The following SLC24A2 variants were observed in gnomAD, a reference collection of about 807,000 sequenced individuals.
The protein encoded by SLC24A2 is sodium/potassium/calcium exchanger 2.
Under a neutral mutation model 62.0 loss-of-function variants are expected in SLC24A2, and 36 were observed. The ratio of observed to expected loss-of-function variants is 0.58; its 90% CI spans 0.44 to 0.77. The LOEUF (loss-of-function observed/expected upper bound fraction) is 0.77, where lower values mean the gene tolerates loss of function less well. Ranked by LOEUF, SLC24A2 falls within the 30% of genes least tolerant of loss-of-function variation. SLC24A2 has a pLI of 0.00. For synonymous variants in SLC24A2, 358 were observed against 294.0 expected (o/e 1.22, Z -2.23); for missense variants, 846 against 817.9 (o/e 1.03, Z -0.42).
At chr9:19,524,390 C>T (rs1255050713) in intron 9 of SLC24A2, among the ~76,000 whole-genome samples, 1 of 55,064 alleles carries the variant, frequency 1.8e-5, no homozygotes, top group South Asian at 5.9e-4. Flanking sequence ...CAATAAGAAA[C>T]AAGAACAACA....
the SLC24A2 span, among the ~76,000 whole-genome samples, chr9:20,143,549 G>A: frequency 6.6e-6 from 1 of 152,122 alleles, no homozygotes; most frequent in Non-Finnish European, 1.5e-5. Flanking sequence ...TTCCATTGGA[G>A]CCACAGACTG....
the SLC24A2 span, among the ~76,000 whole-genome samples, chr9:19,932,698 G>A: frequency 2.0e-5 from 3 of 152,182 alleles, no homozygotes; most frequent in Non-Finnish European, 1.5e-5. Flanking sequence ...TTGCCACTGT[G>A]TTTCAGACTT....
the SLC24A2 span, among the ~76,000 whole-genome samples, chr9:20,165,034 A>G: frequency 2.3e-4 from 34 of 150,246 alleles, no homozygotes; most frequent in African/African-American, 7.8e-4. Context: ...ACCTAATGCT[A>G]AATGACGAGT....
chr9:19,901,398 A>G, the SLC24A2 span, among the ~76,000 whole-genome samples: 1 of 152,160 alleles, frequency 6.6e-6, no homozygotes, highest in African/African-American at 2.4e-5. Context: ...ATTTCTTATA[A>G]GGGTTACAGC....
chr9:20,243,170 G>A, the SLC24A2 span, among the ~76,000 whole-genome samples: 6 of 152,004 alleles, frequency 3.9e-5, no homozygotes, highest in African/African-American at 7.3e-5. Context: ...TGCTAAGCTC[G>A]CACTTATATT....
chr9:20,098,163 TAATC>T, the SLC24A2 span, among the ~76,000 whole-genome samples: 2 of 152,142 alleles, frequency 1.3e-5, no homozygotes, highest in African/African-American at 4.8e-5. Context: ...GTTCTGAAAA[TAATC>T]AAAGGAACAG....
the SLC24A2 span, among the ~76,000 whole-genome samples, chr9:20,164,105 T>G: frequency 6.6e-6 from 1 of 152,096 alleles, no homozygotes; most frequent in African/African-American, 2.4e-5. Flanking sequence ...CCAAAAGCAA[T>G]GGCAACAAAA....
chr9:20,245,318 G>A, the SLC24A2 span, among the ~76,000 whole-genome samples: 4 of 152,204 alleles, frequency 2.6e-5, no homozygotes, highest in African/African-American at 4.8e-5. Flanking sequence ...CCACAGAACT[G>A]TGACTGTATC....
chr9:19,569,290 G>GACCA (rs1383964997), intron 7 of SLC24A2, among the ~76,000 whole-genome samples: 2 of 152,204 alleles, frequency 1.3e-5, no homozygotes, highest in Non-Finnish European at 2.9e-5. Flanking sequence ...TTGGCCTGTG[G>GACCA]ACCACAGTGT....
At chr9:20,038,427 TTA>T in the SLC24A2 span, among the ~76,000 whole-genome samples, 1 of 152,176 alleles carries the variant, frequency 6.6e-6, no homozygotes, top group Non-Finnish European at 1.5e-5. Context: ...TAGGCTGGAA[TTA>T]TATATCCAGT....
the SLC24A2 span, among the ~76,000 whole-genome samples, chr9:19,948,487 G>C: frequency 2.0e-5 from 3 of 152,318 alleles, no homozygotes; most frequent in East Asian, 5.8e-4. Flanking sequence ...AAATATATGT[G>C]AGAACAGTAT....
the SLC24A2 span, among the ~76,000 whole-genome samples, chr9:20,241,289 G>A: frequency 6.6e-6 from 1 of 152,140 alleles, no homozygotes; most frequent in Non-Finnish European, 1.5e-5. Context: ...AAATAATTAA[G>A]CACCTACTGT....
At chr9:19,835,939 A>G in the SLC24A2 span, among the ~76,000 whole-genome samples, 1 of 152,228 alleles carries the variant, frequency 6.6e-6, no homozygotes, top group Non-Finnish European at 1.5e-5. Flanking sequence ...AAAACACTCA[A>G]CTACATGGAA....
At chr9:19,969,482 A>G in the SLC24A2 span, among the ~76,000 whole-genome samples, 7 of 152,148 alleles carry the variant, frequency 4.6e-5, no homozygotes, top group Non-Finnish European at 1.0e-4. Flanking sequence ...ATGAAAGTCC[A>G]TGCTCCCTCT....
chr9:19,553,321 T>G (rs141269895), intron 7 of SLC24A2, among the ~76,000 whole-genome samples: 30 of 152,296 alleles, frequency 2.0e-4, no homozygotes, highest in Admixed American at 9.8e-4. Flanking sequence ...CCTAGAGTTG[T>G]GGTATGCTGG....
chr9:19,739,935 G>C (rs1439706338), intron 2 of SLC24A2, among the ~76,000 whole-genome samples: 1 of 152,100 alleles, frequency 6.6e-6, no homozygotes, highest in Admixed American at 6.6e-5. Flanking sequence ...TCTATATCCA[G>C]AATATATAAA....
chr9:19,813,530 G>C, the SLC24A2 span, among the ~76,000 whole-genome samples: 3 of 151,766 alleles, frequency 2.0e-5, no homozygotes, highest in Admixed American at 1.3e-4. Context: ...TGTTGGCCAG[G>C]CTGGTCTCAA....
At chr9:19,876,462 T>C in the SLC24A2 span, among the ~76,000 whole-genome samples, 2 of 151,994 alleles carry the variant, frequency 1.3e-5, no homozygotes, top group Admixed American at 6.6e-5. Flanking sequence ...TAAGGGGCTA[T>C]GTGAAGACCC....
chr9:20,129,762 C>A, the SLC24A2 span, among the ~76,000 whole-genome samples: 3 of 151,840 alleles, frequency 2.0e-5, no homozygotes, highest in Admixed American at 6.6e-5. Flanking sequence ...TAATGACTGC[C>A]AAGGATTAGA....
Sources: allele counts gnomAD v4.1 joint callset (sites outside exome capture counted in the v4.1 genomes callset), GRCh38; gene constraint gnomAD v4.1.1; transcripts MANE v1.5; gene names NCBI Gene and HGNC (gene_info 2026-07-23, HGNC 2026-07-21).